The following LPP variants were observed in gnomAD, a reference collection of about 807,000 sequenced individuals.
LPP encodes the protein LIM domain containing preferred translocation partner in lipoma.
In LPP, 38 loss-of-function variants were observed where a neutral mutation model predicts 60.4. The observed-to-expected ratio is 0.63, with a 90% CI of 0.49 to 0.83. The LOEUF is 0.83. Ranked by LOEUF, LPP falls within the 40% of genes least tolerant of loss-of-function variation. LPP has a pLI of 0.00. For missense variants in LPP, 902 were observed against 783.6 expected, an observed-to-expected ratio of 1.15 and a Z score of -1.80; for synonymous variants, 328 against 290.8, an observed-to-expected ratio of 1.13 and a Z score of -1.30.
chr3:188,408,930 G>A (rs928693454), intron 4 of LPP, among the ~76,000 whole-genome samples: 2 of 152,010 alleles, frequency 1.3e-5, no homozygotes, highest in African/African-American at 4.8e-5. Flanking sequence ...ATACATCCCT[G>A]CATCCCTTAT....
At chr3:188,771,608 A>G (rs910649678) in intron 9 of LPP, among the ~76,000 whole-genome samples, 3 of 151,910 alleles carry the variant, frequency 2.0e-5, no homozygotes, top group African/African-American at 7.3e-5. Flanking sequence ...AGAAAGAGGC[A>G]CTTGAATGAA....
Position 188,552,410 on chromosome 3 carries a change from A to T in LPP, c.429+27623A>T, listed in dbSNP as rs73054781. On this transcript the variant is annotated intron_variant, in intron 6 of 11. Coordinates refer to ENST00000617246, the MANE Select transcript of LPP (RefSeq NM_001375462.1). Reference sequence around the variant, plus strand: ...TGCTCCTAAGATATGATGAGCAAAGACTGGAGAATAGGAGTGGGCCTAGTC... The same window carrying T: ...TGCTCCTAAGATATGATGAGCAAAGTCTGGAGAATAGGAGTGGGCCTAGTC... 4.8e-3 allele frequency among the ~76,000 whole-genome samples: 724 copies of T among 152,310 alleles called. 10 individuals are homozygous for T. The highest frequency in any genetic ancestry group is 0.017 in the African/African-American group (687 of 41,560).
chr3:188,543,475 T>C (rs1329822766), intron 6 of LPP, among the ~76,000 whole-genome samples: 1 of 152,328 alleles, frequency 6.6e-6, no homozygotes, highest in South Asian at 2.1e-4. Context: ...TGCACTTGTA[T>C]CTGAAGGTTC....
intron 6 of LPP, among the ~76,000 whole-genome samples, chr3:188,557,963 A>T (rs1829863239): frequency 6.7e-6 from 1 of 149,944 alleles, no homozygotes; most frequent in Non-Finnish European, 1.5e-5. Context: ...GGATGTTATC[A>T]GTATTTTTGA....
intron 6 of LPP, among the ~76,000 whole-genome samples, chr3:188,561,379 C>T (rs1337198263): frequency 6.6e-6 from 1 of 151,972 alleles, no homozygotes; most frequent in Non-Finnish European, 1.5e-5. Context: ...GAAGAAAATG[C>T]CGTAGTTTTA....
At chr3:188,759,887 C>T (rs993098606) in intron 8 of LPP, among the ~76,000 whole-genome samples, 2 of 152,138 alleles carry the variant, frequency 1.3e-5, no homozygotes, top group East Asian at 1.9e-4. Flanking sequence ...GACTCAATCC[C>T]CTCAACCGAT....
At chr3:188,261,399 A>T (rs1008817461) in intron 2 of LPP, among the ~76,000 whole-genome samples, 2 of 152,180 alleles carry the variant, frequency 1.3e-5, no homozygotes, top group Admixed American at 6.5e-5. Flanking sequence ...TTTTATGTGA[A>T]TGACGGCATT....
intron 6 of LPP, among the ~76,000 whole-genome samples, chr3:188,528,091 G>A (rs1020144776): frequency 6.6e-6 from 1 of 152,184 alleles, no homozygotes; most frequent in Non-Finnish European, 1.5e-5. Flanking sequence ...ACATATTCCT[G>A]TAGTGAATTG....
At chr3:188,166,462 A>G (rs1410259364) in intron 1 of LPP, among the ~76,000 whole-genome samples, 2 of 152,222 alleles carry the variant, frequency 1.3e-5, no homozygotes, top group African/African-American at 4.8e-5. Context: ...CCATCCACAT[A>G]GCATAATACT....
At chr3:188,801,656 C>G (rs1001665168) in intron 9 of LPP, among the ~76,000 whole-genome samples, 7 of 152,080 alleles carry the variant, frequency 4.6e-5, no homozygotes, top group African/African-American at 1.4e-4. Context: ...TACCCAGATC[C>G]GTGATGTCTT....
Position 188,199,754 on chromosome 3 carries a change from A to G in LPP, c.-189-25651A>G, listed in dbSNP as rs889236818. ...GTGAGATGGGGTTTTCCTGTTGCCTACCTAGGCTGGAGTTCAATGGCGTGA... is the reference window on the plus strand; with the variant it reads ...GTGAGATGGGGTTTTCCTGTTGCCTGCCTAGGCTGGAGTTCAATGGCGTGA... On this transcript the variant is annotated intron_variant, in intron 1 of 11. Coordinates refer to ENST00000617246, the MANE Select transcript of LPP (RefSeq NM_001375462.1). Among the ~76,000 whole-genome samples the G allele has an allele frequency of 4.0e-5, 6 of 150,348 alleles. No individual in the cohort carries two copies. In the South Asian group the frequency reaches 1.1e-3, roughly 26 times the overall value.
At chr3:188,241,985 TG>T (rs1422298099) in intron 2 of LPP, among the ~76,000 whole-genome samples, 1 of 152,178 alleles carries the variant, frequency 6.6e-6, no homozygotes, top group Admixed American at 6.5e-5. Context: ...ATTCTGACGC[TG>T]TATGTCCTCT....
chr3:188,870,494 T>A (rs1767821580), intron 10 of LPP, among the ~76,000 whole-genome samples: 2 of 152,194 alleles, frequency 1.3e-5, no homozygotes, highest in South Asian at 4.1e-4. Flanking sequence ...ACCAAGATCA[T>A]CCCTCTCTGA....
At chr3:188,782,429 G>T (rs1740099208) in intron 9 of LPP, among the ~76,000 whole-genome samples, 1 of 152,056 alleles carries the variant, frequency 6.6e-6, no homozygotes, top group African/African-American at 2.4e-5. Flanking sequence ...TAAAGCAAAG[G>T]TTTTTCATCT....
At chr3:188,849,238 C>T (rs1263090856) in intron 9 of LPP, among the ~76,000 whole-genome samples, 2 of 152,138 alleles carry the variant, frequency 1.3e-5, no homozygotes, top group East Asian at 1.9e-4. Context: ...TCACCTTAAC[C>T]CCTTTGGCCA....
intron 2 of LPP, among the ~76,000 whole-genome samples, chr3:188,325,366 C>CT (rs1301421861): frequency 6.6e-6 from 1 of 152,148 alleles, no homozygotes; most frequent in Non-Finnish European, 1.5e-5. Flanking sequence ...ATAAGCCAAG[C>CT]TTTTTCCCAC....
rs911682135 is a variant in LPP at position 188,884,657 on chromosome 3, C to G, written c.*10178C>G. The G allele has an allele frequency of 2.2e-5, 5 of 229,214 alleles. No homozygotes were observed. Among genetic ancestry groups the G allele is most frequent in the Non-Finnish European group, 3.5e-5 (4 of 115,520 alleles). The allele number at this position is 229,214 out of a possible 1,614,324, so 14.2% of individuals were successfully genotyped here. Reference sequence around the variant, plus strand: ...TCAGGTTCAGAATATCAACCAAGACCATATCATTTAGAATTCATTGGCATG... The same window carrying G: ...TCAGGTTCAGAATATCAACCAAGACGATATCATTTAGAATTCATTGGCATG... On this transcript the variant is annotated 3_prime_UTR_variant, in exon 12 of 12. Transcript: ENST00000617246.
intron 2 of LPP, among the ~76,000 whole-genome samples, chr3:188,262,995 T>G (rs988633508): frequency 6.6e-6 from 1 of 152,120 alleles, no homozygotes; most frequent in African/African-American, 2.4e-5. Flanking sequence ...TTTTTTTTTT[T>G]CTGTGTCCTT....
intron 2 of LPP, among the ~76,000 whole-genome samples, chr3:188,235,767 A>G (rs529964134): frequency 6.6e-6 from 1 of 152,262 alleles, no homozygotes; most frequent in Admixed American, 6.5e-5. Flanking sequence ...TCTCTTCTTT[A>G]GGCCTCCTCC....
Sources: gnomAD v4.1 joint callset for allele counts (sites outside exome capture counted in the v4.1 genomes callset) on GRCh38, gnomAD v4.1.1 for gene constraint, MANE v1.5 for transcripts, NCBI Gene and HGNC (gene_info 2026-07-23, HGNC 2026-07-21) for gene names.